The following ANKRD23 variants were observed in gnomAD, a reference collection of about 807,000 sequenced individuals.
ANKRD23 encodes ankyrin repeat domain 23.
A neutral mutation model predicts 38.1 loss-of-function variants in ANKRD23; 52 were observed. The observed-to-expected ratio is 1.36, with a 90% confidence interval of 1.09 to 1.72. The LOEUF is 1.72. Among genes scored for constraint, ANKRD23 ranks in the 40% most tolerant of loss-of-function variants. ANKRD23 has a pLI of 0.00. For missense variants in ANKRD23, 416 were observed against 400.2 expected (o/e 1.04, Z -0.34); for synonymous variants, 167 against 162.9 (o/e 1.03, Z -0.19).
rs780197299 is a variant in ANKRD23, at chr2:96,842,341, C to T, written c.174+24G>A. ...CTCAGGGATTAGCCACTGCCCCCAA[C>T]CCCGGCCCCCGCCCCTCTCTCACTT... On this transcript the variant is annotated intron_variant, in intron 2 of 8. Transcript: ENST00000318357. The T allele has an allele frequency of 8.5e-6, 13 of 1,527,462 alleles. 1 individual carries two copies. In the Admixed American group the frequency reaches 1.0e-4, roughly 12 times the overall value. 94.6% of individuals were successfully genotyped at this position (1,527,462 alleles called of 1,614,324 possible). A position where few individuals can be genotyped will look rare whatever the true frequency, so the allele number is the denominator to read the frequency against.
chr2:96,839,634 G>C lies in ANKRD23; in HGVS notation c.833C>G (p.Thr278Ser). 6.6e-7 allele frequency: 1 copy of C among 1,514,246 alleles called. No individual in the cohort carries two copies. Among genetic ancestry groups the C allele is most frequent in the South Asian group, 1.3e-5 (1 of 77,680 alleles). 93.8% of individuals were successfully genotyped at this position (1,514,246 alleles called of 1,614,324 possible). ...ELGVRNAASV[T>S]PVQLARDWQR... ...CCAGTCTCGAGCCAGCTGCACCGGG[G>C]TCACGGAGGCCTGGGAGCAACGGTG... The change falls in exon 9 of 9, where the codon ACC becomes AGC. Residue 278 changes from threonine to serine, a missense_variant. Physicochemically the swap from Thr to Ser is moderately conservative, Grantham distance 58. Coordinates refer to ENST00000318357, the MANE Select transcript of ANKRD23 (RefSeq NM_144994.8).
At position 96,839,642 on chromosome 2, in the gene ANKRD23, G is replaced by A. The variant is rs1483009536; in HGVS notation, c.825C>T (p.Ala275=). Residue 275 remains alanine, a splice_region_variant and synonymous_variant, in exon 9 of 9, where the codon GCC becomes GCT. Transcript: ENST00000318357. The stretch of plus-strand genomic sequence containing the variant: ...GAGCCAGCTGCACCGGGGTCACGGA[G>A]GCCTGGGAGCAACGGTGTGGGTCAG... ...YGAELGVRNA[A]SVTPVQLARD... 1.3e-6 allele frequency: 2 copies of A among 1,525,046 alleles called. No homozygotes were observed. The highest frequency in any genetic ancestry group is 1.2e-5 in the South Asian group (1 of 80,068). The allele number at this position is 1,525,046 out of a possible 1,614,324, so 94.5% of individuals were successfully genotyped here.
intron 4 of ANKRD23, 68 bp from the exon 5 acceptor site, chr2:96,840,582 T>C: frequency 6.4e-7 from 1 of 1,565,420 alleles, no homozygotes. Flanking sequence ...CGCGGTCCCC[T>C]TCCCAGGGCC....
At position 96,842,508 on chromosome 2, in the gene ANKRD23, T is replaced by C. The variant is rs756679393; in HGVS notation, c.31A>G (p.Ser11Gly). 8 of 1,613,090 alleles carry C rather than the reference T, an allele frequency of 5.0e-6. No individual in the cohort carries two copies. The highest frequency in any genetic ancestry group is 6.8e-6 in the Non-Finnish European group (8 of 1,179,642). ...ACTTTCCCTTCAACTCTTTCTCCACTTACCTGTAGGAACAGGATATGAGTA... is the reference window on the plus strand; with the variant it reads ...ACTTTCCCTTCAACTCTTTCTCCACCTACCTGTAGGAACAGGATATGAGTA... MDFISIQQLV[S>G]GERVEGKVLG... is the part of the protein sequence containing the mutation. The change falls in exon 2 of 9, where the codon AGT becomes GGT. Residue 11 changes from serine (S) to glycine (G), a missense_variant. Ser to Gly is a moderately conservative substitution (Grantham distance 56, BLOSUM62 0). Coordinates refer to ENST00000318357, the MANE Select transcript of ANKRD23 (RefSeq NM_144994.8).
rs1276635824 is a variant in ANKRD23 at position 96,838,286 on chromosome 2, C to A, written c.*1263G>T. 2.9e-5 allele frequency: 27 copies of A among 919,034 alleles called. No individual in the cohort carries two copies. The highest frequency in any genetic ancestry group is 1.8e-5 in the African/African-American group (1 of 55,728). The allele number at this position is 919,034 out of a possible 1,614,324, so 56.9% of individuals were successfully genotyped here. ...GGAGGCTGAGCCTTCACCTTTCAGC[C>A]CTTCCCTCAGCATGTGGTTCTCAGT... On this transcript the variant is annotated 3_prime_UTR_variant, in exon 9 of 9. Coordinates refer to ENST00000318357, the MANE Select transcript of ANKRD23 (RefSeq NM_144994.8).
Position 96,839,370 on chromosome 2 carries a change from T to C in ANKRD23, c.*179A>G. ...TGACACTCGAAGCCAGGGAGGCCTC[T>C]CTCTTTGCCTGCTGGGCCCGGTGCC... On this transcript the variant is annotated 3_prime_UTR_variant, in exon 9 of 9. Coordinates refer to ENST00000318357, the MANE Select transcript of ANKRD23 (RefSeq NM_144994.8). The C allele has an allele frequency of 8.0e-7, 1 of 1,256,112 alleles. No homozygotes were observed. The highest frequency in any genetic ancestry group is 1.5e-5 in the African/African-American group (1 of 64,582). 77.8% of individuals were successfully genotyped at this position (1,256,112 alleles called of 1,614,324 possible).
At position 96,842,094 on chromosome 2, in the gene ANKRD23, C is replaced by G; in HGVS notation, c.266G>C (p.Arg89Thr). Reference protein sequence around the residue: ...VQRRKKRLRHRVPPRKPEPLV... With the variant: ...VQRRKKRLRHTVPPRKPEPLV... ...GGGCTCAGGTTTCCTGGGGGGGACT[C>G]TGTGTCTCAGTCGCTTTTTCCGTCT... The change falls in exon 3 of 9, where the codon AGA (arginine) becomes ACA (threonine). Residue 89 changes from arginine (R) to threonine (T), a missense_variant. By Grantham distance (71) the Arg-to-Thr change is moderately conservative (BLOSUM62 -1). Coordinates refer to ENST00000318357, the MANE Select transcript of ANKRD23 (RefSeq NM_144994.8). 1 of 1,614,210 alleles carries G rather than the reference C, an allele frequency of 6.2e-7. No homozygotes were observed.
Position 96,839,815 on chromosome 2 carries a change from G to A in ANKRD23, c.734C>T (p.Thr245Met), listed in dbSNP as rs1161135076. 3 of 1,612,536 alleles carry A rather than the reference G, an allele frequency of 1.9e-6. No individual in the cohort carries two copies. In the South Asian group the frequency reaches 3.3e-5, roughly 18 times the overall value. ...GTGCCGCACGGCCTCGTGCAGAGCC[G>A]TGTCCCCTTCCTGCTGAGAACGCAG... ...HLNAQDKEGDTALHEAVRHGS... is the reference protein window; with the variant it reads ...HLNAQDKEGDMALHEAVRHGS... Residue 245 changes from threonine (T) to methionine (M), a missense_variant, in exon 8 of 9, where the codon ACG becomes ATG. Thr to Met is a moderately conservative substitution (Grantham distance 81). Transcript: ENST00000318357.
rs1304181998 is a variant in ANKRD23, at chr2:96,839,202, C to G, written c.*347G>C. Reference sequence around the variant, plus strand: ...ACACTGAGGACTCCCAGACCCAGCCCTGGGTGGCTCCAGCTTGGGACTGCT... The same window carrying G: ...ACACTGAGGACTCCCAGACCCAGCCGTGGGTGGCTCCAGCTTGGGACTGCT... On this transcript the variant is annotated 3_prime_UTR_variant, in exon 9 of 9. Transcript: ENST00000318357. The G allele has an allele frequency of 1.7e-5, 18 of 1,060,858 alleles. No individual in the cohort carries two copies. Among genetic ancestry groups the G allele is most frequent in the Non-Finnish European group, 2.0e-5 (18 of 879,656 alleles). 65.7% of individuals were successfully genotyped at this position (1,060,858 alleles called of 1,614,324 possible).
chr2:96,840,618 C>T, intron 4 of ANKRD23, 104 bp from the exon 5 acceptor site: 1 of 1,510,136 alleles, frequency 6.6e-7, no homozygotes, highest in Non-Finnish European at 9.1e-7. Flanking sequence ...ATTGCCACTT[C>T]CCCCACCACG....
In ANKRD23 at chr2:96,840,248, A is replaced by G. The variant is rs767919060; in HGVS notation, c.608T>C (p.Val203Ala). Residue 203 changes from valine to alanine, a missense_variant, in exon 6 of 9, where the codon GTC becomes GCC. Transcript: ENST00000318357. ...GCCCCTCACCTTGTCCCGGGCATTG[A>G]CCCGGGCTCCCTGGTTAAGCAGCTG... Reference protein sequence around the residue: ...LKQLLNQGARVNARDKIGSTP... With the variant: ...LKQLLNQGARANARDKIGSTP... 1 of 1,610,854 alleles carries G rather than the reference A, an allele frequency of 6.2e-7. No homozygotes were observed. Among genetic ancestry groups the G allele is most frequent in the African/African-American group, 1.3e-5 (1 of 74,842 alleles).
chr2:96,843,902 C>T (rs1477544874), intron 1 of ANKRD23, 64 bp downstream of exon 1: 1 of 1,552,062 alleles, frequency 6.4e-7, no homozygotes, highest in Non-Finnish European at 8.8e-7. Flanking sequence ...CCAGCCCTCT[C>T]TAGCCAGCCT....
intron 3 of ANKRD23, chr2:96,841,117 T>C (rs1438492302): frequency 8.6e-6 from 5 of 582,302 alleles, no homozygotes; most frequent in Admixed American, 6.8e-5. Context: ...TGGATTGACT[T>C]GTATCTCCCC....
At position 96,840,488 on chromosome 2, in the gene ANKRD23, G is replaced by A. The variant is rs1326150067; in HGVS notation, c.453C>T (p.Ala151=). The A allele has an allele frequency of 2.5e-6, 4 of 1,614,046 alleles. No individual in the cohort carries two copies. Among genetic ancestry groups the A allele is most frequent in the Non-Finnish European group, 3.4e-6 (4 of 1,180,030 alleles). ...CCAGCTGGCTGTGACCCTTCAGACA[G>A]GCCCAGTGCAAGGCGGTGCGGTGGA... is the stretch of plus-strand genomic sequence containing the variant. ...DKLHRTALHW[A]CLKGHSQLVN... Residue 151 remains alanine (A), a synonymous_variant, in exon 5 of 9, where the codon GCC becomes GCT. Transcript: ENST00000318357.
At chr2:96,843,770 G>A (rs1182613761) in intron 1 of ANKRD23, among the ~76,000 whole-genome samples, 196 bp downstream of exon 1, 1 of 151,916 alleles carries the variant, frequency 6.6e-6, no homozygotes, top group Admixed American at 6.6e-5. Context: ...CTTGAGCGTG[G>A]GACTTCAAGG....
At chr2:96,843,456 T>G (rs2079782450) in intron 1 of ANKRD23, among the ~76,000 whole-genome samples, 1 of 152,104 alleles carries the variant, frequency 6.6e-6, no homozygotes, top group Non-Finnish European at 1.5e-5. Flanking sequence ...CTCTGGCCAT[T>G]TCCAGAGCAA....
chr2:96,841,524 G>A (rs960680415), intron 3 of ANKRD23, among the ~76,000 whole-genome samples: 4 of 150,090 alleles, frequency 2.7e-5, no homozygotes, highest in South Asian at 4.2e-4. Flanking sequence ...GCATGAACCC[G>A]GGAGGCAGAG....
rs755698341 is a variant in ANKRD23 at position 96,839,798 on chromosome 2, C to T, written c.751G>A (p.Val251Met). The stretch of plus-strand genomic sequence containing the variant: ...ATGGCTTTGTAGCTGCCGTGCCGCA[C>T]GGCCTCGTGCAGAGCCGTGTCCCCT... ...KEGDTALHEA[V>M]RHGSYKAMKL... Residue 251 changes from valine (V) to methionine (M), a missense_variant, in exon 8 of 9, where the codon GTG becomes ATG. Transcript: ENST00000318357. 14 of 1,613,188 alleles carry T rather than the reference C, an allele frequency of 8.7e-6. No individual in the cohort carries two copies. The highest frequency in any genetic ancestry group is 1.2e-5 in the Non-Finnish European group (14 of 1,179,930).
At chr2:96,840,998 T>G in intron 3 of ANKRD23, 86 bp from the exon 4 acceptor site, 1 of 1,535,732 alleles carries the variant, frequency 6.5e-7, no homozygotes, top group Non-Finnish European at 8.8e-7. Context: ...GGCCCACGGG[T>G]CCCATGCAGC....
Sources: gnomAD v4.1 joint callset for allele counts (sites outside exome capture counted in the v4.1 genomes callset) on GRCh38, gnomAD v4.1.1 for gene constraint, MANE v1.5 for transcripts, NCBI Gene and HGNC (gene_info 2026-07-23, HGNC 2026-07-21) for gene names.